Variants in TMEM232 observed in about 807,000 individuals in gnomAD.
TMEM232 encodes the protein transmembrane protein 232.
TMEM232 carries 80 observed loss-of-function variants against 78.8 expected under a neutral mutation model. That is an observed-to-expected ratio of 1.01 (90% CI 0.85 to 1.22). TMEM232 has a LOEUF of 1.22. TMEM232 is among the 50% of genes most tolerant of loss of function. TMEM232 has a pLI of 0.00. For missense variants in TMEM232, 881 were observed against 742.2 expected (o/e 1.19, Z -2.17); for synonymous variants, 297 against 254.3 (o/e 1.17, Z -1.60).
chr5:110,665,929 C>T (rs1203715534), intron 2 of TMEM232, among the ~76,000 whole-genome samples: 1 of 150,556 alleles, frequency 6.6e-6, no homozygotes, highest in African/African-American at 2.4e-5. Context: ...ATTAGCCAGG[C>T]ATACTGGCAT....
At chr5:110,500,636 C>A (rs1182103219) in intron 12 of TMEM232, among the ~76,000 whole-genome samples, 2 of 151,480 alleles carry the variant, frequency 1.3e-5, no homozygotes, top group African/African-American at 4.9e-5. Flanking sequence ...GAAAAGGAAA[C>A]AAAGTATATC....
chr5:110,407,721 C>T (rs1209347887), intron 2 of TMEM232, among the ~76,000 whole-genome samples: 2 of 152,242 alleles, frequency 1.3e-5, no homozygotes, highest in South Asian at 2.1e-4. Context: ...CTGCAGAATA[C>T]GCTTTCTTTT....
chr5:110,653,905 G>A (rs1422491), intron 2 of TMEM232, among the ~76,000 whole-genome samples: 14,284 of 152,102 alleles, frequency 0.094, 788 homozygotes, highest in South Asian at 0.18. Context: ...CAGATTCACC[G>A]ACATATCAGT....
intron 10 of TMEM232, among the ~76,000 whole-genome samples, chr5:110,597,734 G>C (rs1409762328): frequency 1.3e-5 from 2 of 151,536 alleles, no homozygotes; most frequent in South Asian, 2.1e-4. Context: ...TCTGATCTTT[G>C]ACAAACCTGA....
At chr5:110,646,872 G>T (rs1480291117) in intron 2 of TMEM232, among the ~76,000 whole-genome samples, 1 of 151,536 alleles carries the variant, frequency 6.6e-6, no homozygotes, top group Non-Finnish European at 1.5e-5. Context: ...AAAATGTACA[G>T]AGGACCTGAA....
chr5:110,703,368 C>T (rs1384691746), intron 1 of TMEM232, among the ~76,000 whole-genome samples: 1 of 152,050 alleles, frequency 6.6e-6, no homozygotes, highest in Admixed American at 6.6e-5. Flanking sequence ...AGCTTACTCA[C>T]TGGGGACCTA....
chr5:110,452,603 A>G (rs1580737776), intron 12 of TMEM232, among the ~76,000 whole-genome samples: 1 of 152,190 alleles, frequency 6.6e-6, no homozygotes, highest in East Asian at 1.9e-4. Flanking sequence ...CTCTGAGCAG[A>G]TTCTTAAAAT....
chr5:110,442,096 G>T (rs1386560755), intron 12 of TMEM232, among the ~76,000 whole-genome samples: 1 of 152,086 alleles, frequency 6.6e-6, no homozygotes, highest in Non-Finnish European at 1.5e-5. Flanking sequence ...CCTTGAGGAA[G>T]TCTTCTTTGG....
At chr5:110,593,408 A>G (rs887421637) in intron 10 of TMEM232, among the ~76,000 whole-genome samples, 5 of 152,228 alleles carry the variant, frequency 3.3e-5, no homozygotes, top group Non-Finnish European at 7.3e-5. Context: ...AACAATGAGT[A>G]CATGAATTCA....
chr5:110,700,095 A>C (rs368579871), intron 1 of TMEM232, among the ~76,000 whole-genome samples: 15 of 152,216 alleles, frequency 9.9e-5, no homozygotes, highest in African/African-American at 3.6e-4. Flanking sequence ...AGACAGCTGA[A>C]GACAGGGAGA....
chr5:110,561,349 C>T (rs1384842920), intron 11 of TMEM232, among the ~76,000 whole-genome samples: 1 of 151,678 alleles, frequency 6.6e-6, no homozygotes, highest in Non-Finnish European at 1.5e-5. Context: ...TTTCAATTTC[C>T]TCATCTGTAA....
At chr5:110,415,039 G>A (rs1216868863), downstream of TMEM232, among the ~76,000 whole-genome samples, 1 of 152,046 alleles carries the variant, frequency 6.6e-6, no homozygotes, top group Non-Finnish European at 1.5e-5. Flanking sequence ...CCCTCCTAGT[G>A]ACTTAACAGT....
chr5:110,495,624 T>C (rs544776185), intron 12 of TMEM232, among the ~76,000 whole-genome samples: 187 of 151,966 alleles, frequency 1.2e-3, no homozygotes, highest in African/African-American at 4.1e-3. Context: ...CCAAAAAAAC[T>C]AGACGAGGTC....
intron 2 of TMEM232, among the ~76,000 whole-genome samples, chr5:110,654,491 T>C (rs1788756186): frequency 6.6e-6 from 1 of 152,194 alleles, no homozygotes; most frequent in South Asian, 2.1e-4. Context: ...AGGGCTCTGT[T>C]CTATTCCATT....
chr5:110,613,201 C>A (rs1431540026), intron 8 of TMEM232, among the ~76,000 whole-genome samples: 1 of 152,108 alleles, frequency 6.6e-6, no homozygotes, highest in Non-Finnish European at 1.5e-5. Context: ...GATCCTGAAC[C>A]TGCTGTTTTC....
At chr5:110,677,205 T>C (rs1197092892) in intron 1 of TMEM232, among the ~76,000 whole-genome samples, 1 of 152,232 alleles carries the variant, frequency 6.6e-6, no homozygotes, top group Admixed American at 6.5e-5. Flanking sequence ...GAGAAATGTC[T>C]ATACAGGTTC....
At chr5:110,735,484 T>G (rs1281738510) in intron 1 of TMEM232, among the ~76,000 whole-genome samples, 1 of 152,220 alleles carries the variant, frequency 6.6e-6, no homozygotes, top group African/African-American at 2.4e-5. Context: ...ATTTCCTTAT[T>G]ATTAGTTTTG....
At chr5:110,716,456 G>A (rs921082795) in intron 1 of TMEM232, among the ~76,000 whole-genome samples, 1 of 152,122 alleles carries the variant, frequency 6.6e-6, no homozygotes, top group Admixed American at 6.6e-5. Flanking sequence ...TCCATCTGGT[G>A]GCGATGGGAG....
chr5:110,484,998 G>A (rs1401525132), intron 12 of TMEM232, among the ~76,000 whole-genome samples: 2 of 152,078 alleles, frequency 1.3e-5, no homozygotes, highest in Non-Finnish European at 2.9e-5. Context: ...ATATTAGCAT[G>A]GATGCAGTGA....
Sources: gnomAD v4.1 joint callset for allele counts (sites outside exome capture counted in the v4.1 genomes callset) on GRCh38, gnomAD v4.1.1 for gene constraint, MANE v1.5 for transcripts, NCBI Gene and HGNC (gene_info 2026-07-23, HGNC 2026-07-21) for gene names.